The following ROBO2 variants were observed in gnomAD, a reference collection of about 807,000 sequenced individuals.
ROBO2 encodes the protein roundabout guidance receptor 2.
A neutral mutation model predicts 160.8 loss-of-function variants in ROBO2; 53 were observed. The observed-to-expected ratio is 0.33, with a 90% confidence interval of 0.26 to 0.41. The LOEUF (loss-of-function observed/expected upper bound fraction) is 0.41, where lower values mean the gene tolerates loss of function less well. Among genes scored for constraint, ROBO2 ranks in the 10% least tolerant of loss-of-function variants. The probability of loss-of-function intolerance (pLI) is 1.00; values close to 1 mark genes in which losing one functional copy is unlikely to be tolerated. For synonymous variants in ROBO2, 664 were observed against 611.7 expected, an observed-to-expected ratio of 1.09 and a Z score of -1.26; for missense variants, 1,577 against 1,722.4, an observed-to-expected ratio of 0.92 and a Z score of 1.49.
intron 17 of ROBO2, among the ~76,000 whole-genome samples, 154 bp from the exon 19 acceptor site, chr3:77,594,988 G>GATGTTAATTATAT (rs1559687177): frequency 1.3e-5 from 2 of 152,094 alleles, no homozygotes; most frequent in Non-Finnish European, 2.9e-5. Flanking sequence ...CCAAACCACT[G>GATGTTAATTATAT]CTTGTTACTC....
intron 2 of ROBO2, among the ~76,000 whole-genome samples, chr3:76,610,818 C>T (rs1441895719): frequency 2.0e-5 from 3 of 151,664 alleles, no homozygotes; most frequent in Non-Finnish European, 2.9e-5. Context: ...TGCGGTCCAG[C>T]GAGCAGGAGC....
At chr3:76,172,158 G>T in intron 2 of ROBO2, among the ~76,000 whole-genome samples, 1 of 152,104 alleles carries the variant, frequency 6.6e-6, no homozygotes, top group South Asian at 2.1e-4. Context: ...TCCCTACAAA[G>T]GAGATGAACT....
At position 76,110,682 on chromosome 3, in the gene ROBO2, A is replaced by T. The variant is rs2070187381; in HGVS notation, c.109+173080A>T. On this transcript the variant is annotated intron_variant, in intron 2 of 26. Transcript: ENST00000487694. ...CAGTGTGGGATTAGGGTAAAGAAAA[A>T]CTTTGAAAATATAGATGGAAAAGGC... Among the ~76,000 whole-genome samples, 3 of 152,092 alleles carry T rather than the reference A, an allele frequency of 2.0e-5. No individual in the cohort carries two copies. The South Asian group carries it at 6.2e-4, about 32-fold the overall frequency.
chr3:77,447,737 G>A (rs1328225872), intron 2 of ROBO2, among the ~76,000 whole-genome samples: 1 of 152,022 alleles, frequency 6.6e-6, no homozygotes, highest in East Asian at 1.9e-4. Flanking sequence ...CCAAATCAAC[G>A]TTGACTAATT....
intron 2 of ROBO2, among the ~76,000 whole-genome samples, chr3:76,445,220 G>A (rs185628120): frequency 6.6e-6 from 1 of 152,080 alleles, no homozygotes; most frequent in African/African-American, 2.4e-5. Flanking sequence ...CTTTCTGAAA[G>A]TATAATTGTA....
At chr3:76,776,066 A>G (rs970627048) in intron 2 of ROBO2, among the ~76,000 whole-genome samples, 4 of 150,838 alleles carry the variant, frequency 2.7e-5, no homozygotes, top group Non-Finnish European at 3.0e-5. Context: ...CTAAACCCCT[A>G]TGTAACTTCT....
At chr3:76,913,732 C>A (rs1016645280) in intron 2 of ROBO2, among the ~76,000 whole-genome samples, 2 of 152,032 alleles carry the variant, frequency 1.3e-5, no homozygotes, top group Non-Finnish European at 2.9e-5. Flanking sequence ...TTCTTTCTAG[C>A]GAATAATACT....
intron 2 of ROBO2, among the ~76,000 whole-genome samples, chr3:76,926,475 A>G (rs781301098): frequency 3.9e-5 from 6 of 152,204 alleles, no homozygotes; most frequent in Non-Finnish European, 8.8e-5. Flanking sequence ...CAGAAAAGTT[A>G]GGATAATGTA....
chr3:76,374,958 G>A (rs768202234), intron 2 of ROBO2, among the ~76,000 whole-genome samples: 1 of 145,552 alleles, frequency 6.9e-6, no homozygotes, highest in Non-Finnish European at 1.5e-5. Context: ...TTTTTTTTCA[G>A]ATGGTCTATA....
chr3:76,013,603 A>G (rs1439455600), intron 2 of ROBO2, among the ~76,000 whole-genome samples: 1 of 151,692 alleles, frequency 6.6e-6, no homozygotes, highest in Non-Finnish European at 1.5e-5. Flanking sequence ...GTGTAATCCC[A>G]GAAGTAATAT....
At chr3:77,213,779 T>A (rs2084521505) in intron 2 of ROBO2, among the ~76,000 whole-genome samples, 1 of 152,204 alleles carries the variant, frequency 6.6e-6, no homozygotes, top group Non-Finnish European at 1.5e-5. Flanking sequence ...GTATGTTGTG[T>A]CTTTGTTCTC....
intron 2 of ROBO2, among the ~76,000 whole-genome samples, chr3:77,373,131 AATT>A (rs1307716776): frequency 2.7e-5 from 4 of 147,202 alleles, no homozygotes; most frequent in Non-Finnish European, 4.5e-5. Flanking sequence ...AAAGTTATAA[AATT>A]ATTATAAAAA....
intron 1 of ROBO2, among the ~76,000 whole-genome samples, chr3:75,928,553 C>T (rs1947385830): frequency 6.6e-6 from 1 of 152,194 alleles, no homozygotes; most frequent in Admixed American, 6.5e-5. Context: ...GTTCATCAGT[C>T]CTGGGTTACT....
chr3:77,391,156 C>T (rs1416994315), intron 2 of ROBO2, among the ~76,000 whole-genome samples: 1 of 151,854 alleles, frequency 6.6e-6, no homozygotes, highest in African/African-American at 2.4e-5. Context: ...ATTTACAATG[C>T]CAAGTATTGT....
intron 8 of ROBO2, among the ~76,000 whole-genome samples, chr3:77,555,244 G>GA (rs1406647138): frequency 1.3e-5 from 2 of 151,754 alleles, no homozygotes; most frequent in African/African-American, 2.4e-5. Context: ...TACGCACTGG[G>GA]AAAAAAAATT....
At chr3:77,209,752 C>A (rs912513382) in intron 2 of ROBO2, among the ~76,000 whole-genome samples, 9 of 152,054 alleles carry the variant, frequency 5.9e-5, no homozygotes, top group African/African-American at 2.2e-4. Context: ...ATAGTAGATC[C>A]AAAATGCTGG....
chr3:76,774,939 G>T (rs1179663339), intron 2 of ROBO2, among the ~76,000 whole-genome samples: 1 of 150,498 alleles, frequency 6.6e-6, no homozygotes, highest in Non-Finnish European at 1.5e-5. Flanking sequence ...ACAAGAGAAT[G>T]TGATTCATCT....
At chr3:75,919,313 G>A (rs1030238044) in intron 1 of ROBO2, among the ~76,000 whole-genome samples, 3 of 152,072 alleles carry the variant, frequency 2.0e-5, no homozygotes, top group African/African-American at 7.2e-5. Context: ...TTTTGTCATT[G>A]GTTCTGTTTA....
intron 2 of ROBO2, among the ~76,000 whole-genome samples, chr3:76,335,382 A>G (rs938188713): frequency 2.0e-5 from 3 of 151,500 alleles, no homozygotes; most frequent in African/African-American, 7.3e-5. Flanking sequence ...GGGTTTTACC[A>G]TGTTGGCCAG....
Sources: allele counts gnomAD v4.1 joint callset (sites outside exome capture counted in the v4.1 genomes callset), GRCh38; gene constraint gnomAD v4.1.1; transcripts MANE v1.5; gene names NCBI Gene and HGNC (gene_info 2026-07-23, HGNC 2026-07-21).